EPHB1: variants seen among roughly 807,000 people sequenced by gnomAD.
The protein encoded by EPHB1 is ephrin type-B receptor 1.
Under a neutral mutation model 94.4 loss-of-function variants are expected in EPHB1, and 30 were observed. The ratio of observed to expected loss-of-function variants is 0.32; its 90% CI spans 0.24 to 0.43. EPHB1 has a LOEUF of 0.43. EPHB1 is among the 20% of genes least tolerant of loss of function. EPHB1 has a pLI of 1.00. For synonymous variants in EPHB1, 522 were observed against 489.1 expected, an observed-to-expected ratio of 1.07 and a Z score of -0.89; for missense variants, 1,055 against 1,308.3, an observed-to-expected ratio of 0.81 and a Z score of 2.99.
intron 9 of EPHB1, 101 bp downstream of exon 9, chr3:135,167,107 G>A: frequency 7.2e-7 from 1 of 1,392,404 alleles, no homozygotes; most frequent in Non-Finnish European, 1.0e-6. Context: ...GCTGGTCCCA[G>A]TGGCAAGTTC....
intron 5 of EPHB1, among the ~76,000 whole-genome samples, chr3:135,136,211 G>A (rs1336518516): frequency 6.6e-6 from 1 of 152,180 alleles, no homozygotes; most frequent in African/African-American, 2.4e-5. Context: ...AGACCTTGGA[G>A]ATTTTTGCTA....
chr3:135,149,540 G>A (rs1941126361), intron 5 of EPHB1, among the ~76,000 whole-genome samples: 2 of 152,156 alleles, frequency 1.3e-5, no homozygotes, highest in African/African-American at 4.8e-5. Context: ...TTGTCCGAAA[G>A]TTTCATAGCA....
intron 10 of EPHB1, among the ~76,000 whole-genome samples, chr3:135,183,850 G>C (rs1942257711): frequency 6.6e-6 from 1 of 152,218 alleles, no homozygotes; most frequent in East Asian, 1.9e-4. Context: ...AGATCCAGAG[G>C]CTGCTATATG....
In EPHB1 at chr3:135,179,998, G is replaced by T. The variant is rs1222102207; in HGVS notation, c.1882+16G>T. 1 of 1,613,352 alleles carries T rather than the reference G, an allele frequency of 6.2e-7. No individual in the cohort carries two copies. Among genetic ancestry groups the T allele is most frequent in the South Asian group, 1.1e-5 (1 of 91,034 alleles). ...ATCGGAGCAGGTATGGCTCTTCCCT[G>T]TCTTGTTTCTGTTCTCCTGGTGTCC... is the stretch of plus-strand genomic sequence containing the variant. On this transcript the variant is annotated intron_variant, in intron 10 of 15. Coordinates refer to ENST00000398015, the MANE Select transcript of EPHB1 (RefSeq NM_004441.5).
rs1940210958 is a variant in EPHB1 at position 135,126,434 on chromosome 3, G to A, written c.962-6280G>A. 2.0e-5 allele frequency among the ~76,000 whole-genome samples: 3 copies of A among 152,124 alleles called. No homozygotes were observed. In the South Asian group the frequency reaches 6.2e-4, roughly 32 times the overall value. On this transcript the variant is annotated intron_variant, in intron 4 of 15. Coordinates refer to ENST00000398015, the MANE Select transcript of EPHB1 (RefSeq NM_004441.5). ...AAGGTTTCCTTTCCCATAGGTCAGG[G>A]GAGGACAATGAATACCAGATACCAA...
chr3:135,208,290 C>CGTGTGT (rs55947191), intron 12 of EPHB1, among the ~76,000 whole-genome samples: 5,145 of 142,574 alleles, frequency 0.036, 118 homozygotes, highest in East Asian at 0.063. Flanking sequence ...CCTTTCATGA[C>CGTGTGT]GTGTGTGTGT....
chr3:134,833,300 T>A (rs1333554448), intron 1 of EPHB1, among the ~76,000 whole-genome samples: 1 of 152,148 alleles, frequency 6.6e-6, no homozygotes, highest in Admixed American at 6.5e-5. Context: ...GCCCTCTGCT[T>A]TGATGGGAAA....
chr3:135,059,614 A>G (rs1402962070), intron 3 of EPHB1, among the ~76,000 whole-genome samples: 7 of 152,168 alleles, frequency 4.6e-5, no homozygotes, highest in African/African-American at 1.7e-4. Flanking sequence ...GTTGACTGTG[A>G]TGGGTACAGG....
At chr3:134,917,736 T>C (rs552382478) in intron 1 of EPHB1, among the ~76,000 whole-genome samples, 1 of 152,368 alleles carries the variant, frequency 6.6e-6, no homozygotes, top group South Asian at 2.1e-4. Flanking sequence ...GCACTTTCAG[T>C]TTCCTCAGGC....
intron 3 of EPHB1, among the ~76,000 whole-genome samples, chr3:134,986,945 T>C (rs1156785107): frequency 6.6e-6 from 1 of 152,174 alleles, no homozygotes; most frequent in Non-Finnish European, 1.5e-5. Flanking sequence ...TTTGTGTTAA[T>C]AGAGTCTTCT....
chr3:135,175,120 TA>T (rs796964698), intron 9 of EPHB1, among the ~76,000 whole-genome samples: 115 of 152,298 alleles, frequency 7.6e-4, no homozygotes, highest in African/African-American at 2.7e-3. Flanking sequence ...ACCTACTGTT[TA>T]AAATGACCCT....
At chr3:135,002,391 G>A (rs1002192212) in intron 3 of EPHB1, among the ~76,000 whole-genome samples, 1 of 152,270 alleles carries the variant, frequency 6.6e-6, no homozygotes, top group East Asian at 1.9e-4. Context: ...GTTCATCAAG[G>A]ATATTGGTGA....
intron 1 of EPHB1, among the ~76,000 whole-genome samples, chr3:134,906,117 G>A (rs551236064): frequency 5.3e-5 from 8 of 152,220 alleles, no homozygotes; most frequent in South Asian, 4.2e-4. Flanking sequence ...AATTATACAC[G>A]TTCCTCTGCA....
At chr3:134,877,375 C>A (rs2037637873) in intron 1 of EPHB1, among the ~76,000 whole-genome samples, 1 of 152,178 alleles carries the variant, frequency 6.6e-6, no homozygotes, top group African/African-American at 2.4e-5. Flanking sequence ...ACAGTCAACC[C>A]TGTTGCTAAG....
chr3:134,911,674 T>A (rs900895507), intron 1 of EPHB1, among the ~76,000 whole-genome samples: 1 of 152,144 alleles, frequency 6.6e-6, no homozygotes, highest in African/African-American at 2.4e-5. Flanking sequence ...ACACTAAGAA[T>A]GGCGAATACT....
Position 134,831,354 on chromosome 3 carries a change from G to T in EPHB1, c.58+35665G>T, listed in dbSNP as rs958840965. On this transcript the variant is annotated intron_variant, in intron 1 of 15. Transcript: ENST00000398015. ...CTGATCCCACGATTCTAGAACAGCT[G>T]CCCAATCCCACAGCTGGGCAGACTT... Among the ~76,000 whole-genome samples, 10 of 152,284 alleles carry T rather than the reference G, an allele frequency of 6.6e-5. No individual in the cohort carries two copies. In the East Asian group the frequency reaches 1.2e-3, roughly 18 times the overall value.
intron 4 of EPHB1, among the ~76,000 whole-genome samples, chr3:135,108,044 A>G (rs988421798): frequency 2.0e-5 from 3 of 152,194 alleles, no homozygotes; most frequent in Non-Finnish European, 4.4e-5. Flanking sequence ...TGTTCAGACC[A>G]AAGACTAGTC....
At chr3:135,136,028 G>A (rs1200524886) in intron 5 of EPHB1, among the ~76,000 whole-genome samples, 1 of 152,186 alleles carries the variant, frequency 6.6e-6, no homozygotes, top group African/African-American at 2.4e-5. Context: ...TAAGAAAGCA[G>A]AGACTTAAAG....
chr3:135,237,505 C>T lies in EPHB1; in HGVS notation c.2347-3643C>T, dbSNP rs545136979. ...CAGTGAGCTGCCTCTTCCTCTTCTT[C>T]TCTTCTCCCTCCCCCATGCTCCAAC... On this transcript the variant is annotated intron_variant, in intron 12 of 15. Transcript: ENST00000398015. 2.6e-5 allele frequency among the ~76,000 whole-genome samples: 4 copies of T among 152,216 alleles called. No individual in the cohort carries two copies. In the East Asian group the frequency reaches 7.8e-4, roughly 30 times the overall value.
Sources: gnomAD v4.1 joint callset for allele counts (sites outside exome capture counted in the v4.1 genomes callset) on GRCh38, gnomAD v4.1.1 for gene constraint, MANE v1.5 for transcripts, NCBI Gene and HGNC (gene_info 2026-07-23, HGNC 2026-07-21) for gene names.